The following LARGE1 variants were observed in gnomAD, a reference collection of about 807,000 sequenced individuals.
LARGE1 encodes the protein xylosyl- and glucuronyltransferase LARGE1.
LARGE1 carries 43 observed loss-of-function variants against 87.6 expected under a neutral mutation model. The ratio of observed to expected loss-of-function variants is 0.49; its 90% CI spans 0.38 to 0.63. LARGE1 has a LOEUF of 0.63. Among genes scored for constraint, LARGE1 ranks in the 30% least tolerant of loss-of-function variants. The probability of loss-of-function intolerance (pLI) is 0.00; values close to 1 mark genes in which losing one functional copy is unlikely to be tolerated. For missense variants in LARGE1, 802 were observed against 1,000.2 expected (o/e 0.80, Z 2.67); for synonymous variants, 434 against 394.6 (o/e 1.10, Z -1.18).
the LARGE1 span, among the ~76,000 whole-genome samples, chr22:33,085,513 A>G: frequency 2.1e-5 from 3 of 140,154 alleles, no homozygotes; most frequent in African/African-American, 7.5e-5. Context: ...ACTAACTCTT[A>G]TGTCAACTCA....
chr22:33,910,367 A>T (rs17747744), intron 1 of LARGE1, among the ~76,000 whole-genome samples: 71,606 of 151,948 alleles, frequency 0.47, 17,396 homozygotes, highest in East Asian at 0.57. Flanking sequence ...GACAATGCCT[A>T]GTTGAAGATG....
chr22:33,319,538 G>A (rs1277191051), intron 10 of LARGE1, among the ~76,000 whole-genome samples: 1 of 152,136 alleles, frequency 6.6e-6, no homozygotes, highest in Non-Finnish European at 1.5e-5. Context: ...TGTGATCACA[G>A]GCACTCACCA....
intron 2 of LARGE1, among the ~76,000 whole-genome samples, chr22:33,729,891 G>A (rs1342175201): frequency 6.6e-6 from 1 of 152,148 alleles, no homozygotes; most frequent in East Asian, 1.9e-4. Context: ...ATTTATGGAG[G>A]ACCTATAAGA....
At chr22:33,232,853 T>C (rs1926076247) in intron 11 of LARGE1, among the ~76,000 whole-genome samples, 1 of 152,140 alleles carries the variant, frequency 6.6e-6, no homozygotes, top group Non-Finnish European at 1.5e-5. Flanking sequence ...AATCTGGAGT[T>C]AGTGCTTCAA....
At chr22:33,317,597 C>T (rs1228799663) in intron 10 of LARGE1, among the ~76,000 whole-genome samples, 1 of 152,194 alleles carries the variant, frequency 6.6e-6, no homozygotes, top group Non-Finnish European at 1.5e-5. Context: ...AGAGCAGGCA[C>T]ACCTGCTGAC....
intron 11 of LARGE1, among the ~76,000 whole-genome samples, chr22:33,239,109 TAA>T (rs201155853): frequency 1.3e-4 from 19 of 144,924 alleles, no homozygotes; most frequent in African/African-American, 3.0e-4. Context: ...ATTAGGAATG[TAA>T]AAAAAAAAAA....
chr22:33,372,510 G>C (rs1052363993), intron 9 of LARGE1, among the ~76,000 whole-genome samples: 3 of 152,164 alleles, frequency 2.0e-5, no homozygotes, highest in Admixed American at 2.0e-4. Context: ...GTCTTACATG[G>C]CAGCAGGCAA....
chr22:33,158,971 T>C (rs115763986), downstream of LARGE1, among the ~76,000 whole-genome samples: 846 of 152,322 alleles, frequency 5.6e-3, 10 homozygotes, highest in African/African-American at 0.02. Context: ...TTTATACATT[T>C]GACTATAGAA....
intron 1 of LARGE1, among the ~76,000 whole-genome samples, chr22:33,784,007 T>C (rs909036847): frequency 6.6e-6 from 1 of 152,142 alleles, no homozygotes; most frequent in African/African-American, 2.4e-5. Flanking sequence ...TTCTTTTTTC[T>C]TTTTCCCCTT....
chr22:33,170,304 G>A (rs1922495775), intron 11 of LARGE1, among the ~76,000 whole-genome samples: 1 of 152,062 alleles, frequency 6.6e-6, no homozygotes, highest in African/African-American at 2.4e-5. Context: ...AGGAGATGGA[G>A]GTTATAGTGA....
At chr22:33,166,751 C>G (rs976345244) in exon 12 of LARGE1, 1 of 471,234 alleles carries the variant, frequency 2.1e-6, no homozygotes, top group Non-Finnish European at 4.4e-6. Context: ...AGGAAGCCAA[C>G]GCCGAGGACA....
At chr22:33,772,763 T>G (rs1042065840) in intron 1 of LARGE1, among the ~76,000 whole-genome samples, 7 of 152,212 alleles carry the variant, frequency 4.6e-5, no homozygotes, top group Non-Finnish European at 1.0e-4. Context: ...CACTAGATTT[T>G]AATCTCTACT....
chr22:33,348,109 G>A (rs1030503614), intron 9 of LARGE1, among the ~76,000 whole-genome samples: 2 of 152,116 alleles, frequency 1.3e-5, no homozygotes, highest in Non-Finnish European at 2.9e-5. Context: ...AGGTCCTCCT[G>A]GCTAGACTTC....
At chr22:33,067,256 G>T in the LARGE1 span, among the ~76,000 whole-genome samples, 597 of 152,094 alleles carry the variant, frequency 3.9e-3, 5 homozygotes, top group Non-Finnish European at 6.0e-3. Flanking sequence ...TCTATAAAAT[G>T]CTATATCACA....
At position 33,792,611 on chromosome 22, in the gene LARGE1, T is replaced by C. The variant is rs1315711266; in HGVS notation, c.-82-31053A>G. Among the ~76,000 whole-genome samples the C allele has an allele frequency of 2.0e-5, 3 of 152,184 alleles. No individual in the cohort carries two copies. In the East Asian group the frequency reaches 5.8e-4, roughly 29 times the overall value. On this transcript the variant is annotated intron_variant, in intron 1 of 14. Coordinates refer to ENST00000397394, the MANE Select transcript of LARGE1 (RefSeq NM_133642.5). ...AGGATATTGGGGAATCAGAAAATAA[T>C]GAGGCATCTTTCATTTCCTAAAGAC...
rs116030534 is a variant in LARGE1 at position 33,914,810 on chromosome 22, A to C, written c.-83+5185T>G. The stretch of plus-strand genomic sequence containing the variant: ...TCCCTCCCTGGGCCTCTAAATTCCT[A>C]CTTACAAGATCAGTAACACACTAAT... On this transcript the variant is annotated intron_variant, in intron 1 of 14. Transcript: ENST00000397394. Among the ~76,000 whole-genome samples, 196 of 152,164 alleles carry C rather than the reference A, an allele frequency of 1.3e-3. 1 individual carries two copies. The highest frequency in any genetic ancestry group is 4.5e-3 in the African/African-American group (188 of 41,522).
intron 2 of LARGE1, among the ~76,000 whole-genome samples, chr22:33,711,522 C>T (rs775470460): frequency 2.8e-4 from 42 of 152,238 alleles, no homozygotes; most frequent in Admixed American, 1.6e-3. Flanking sequence ...CACAGCTGAC[C>T]GATACATAGG....
chr22:33,449,583 G>A (rs1294264608), intron 6 of LARGE1, among the ~76,000 whole-genome samples: 2 of 152,250 alleles, frequency 1.3e-5, no homozygotes, highest in African/African-American at 2.4e-5. Flanking sequence ...CACAAGACAA[G>A]ATGCTCCGTC....
intron 6 of LARGE1, among the ~76,000 whole-genome samples, chr22:33,496,744 C>T (rs1275197980): frequency 6.6e-6 from 1 of 152,220 alleles, no homozygotes; most frequent in South Asian, 2.1e-4. Flanking sequence ...GCCCAGAAAA[C>T]AGTTTTCAGA....
Sources: allele counts gnomAD v4.1 joint callset (sites outside exome capture counted in the v4.1 genomes callset), GRCh38; gene constraint gnomAD v4.1.1; transcripts MANE v1.5; gene names NCBI Gene and HGNC (gene_info 2026-07-23, HGNC 2026-07-21).